PALS1: variants seen among roughly 807,000 people sequenced by gnomAD.
The protein encoded by PALS1 is protein PALS1.
In PALS1, 31 loss-of-function variants were observed where a neutral mutation model predicts 78.9. The observed-to-expected ratio is 0.39, with a 90% confidence interval of 0.30 to 0.53. PALS1 has a LOEUF of 0.53. Ranked by LOEUF, PALS1 falls within the 20% of genes least tolerant of loss-of-function variation. The probability of loss-of-function intolerance (pLI) is 0.67; values close to 1 mark genes in which losing one functional copy is unlikely to be tolerated. For missense variants in PALS1, 704 were observed against 826.5 expected (o/e 0.85, Z 1.82); for synonymous variants, 276 against 270.9 (o/e 1.02, Z -0.18).
chr14:67,312,539 G>C lies in PALS1; in HGVS notation c.1054G>C (p.Ala352Pro). 6.3e-7 allele frequency: 1 copy of C among 1,580,026 alleles called. No homozygotes were observed. The highest frequency in any genetic ancestry group is 1.2e-5 in the South Asian group (1 of 82,898). The change falls in exon 9 of 15, where the codon GCT becomes CCT. Residue 352 changes from alanine to proline, a missense_variant. Physicochemically the swap from Ala to Pro is conservative, Grantham distance 27. Transcript: ENST00000261681. ...TTTTATCTTTTAGATCCATGTAAAA[G>C]CTCATTTTGACTATGACCCCTCAGA... Reference protein sequence around the residue: ...PAKETVIHVKAHFDYDPSDDP... With the variant: ...PAKETVIHVKPHFDYDPSDDP...
At chr14:67,325,777 T>C (rs1364825686) in intron 14 of PALS1, among the ~76,000 whole-genome samples, 3 of 151,920 alleles carry the variant, frequency 2.0e-5, no homozygotes, top group Non-Finnish European at 4.4e-5. Context: ...TGAAGGGCCA[T>C]AGACCATTCC....
At chr14:67,259,283 G>T (rs1383766774) in intron 1 of PALS1, among the ~76,000 whole-genome samples, 2 of 151,936 alleles carry the variant, frequency 1.3e-5, no homozygotes, top group Non-Finnish European at 2.9e-5. Context: ...AGCCCAAAGT[G>T]AATGAAAGTA....
chr14:67,275,902 T>A (rs2084495587), intron 2 of PALS1, among the ~76,000 whole-genome samples: 1 of 152,226 alleles, frequency 6.6e-6, no homozygotes, highest in Non-Finnish European at 1.5e-5. Flanking sequence ...TCTACTTTAT[T>A]TGCGTAGAGG....
At chr14:67,256,233 A>G (rs1164525686) in intron 1 of PALS1, among the ~76,000 whole-genome samples, 3 of 151,992 alleles carry the variant, frequency 2.0e-5, no homozygotes, top group Non-Finnish European at 4.4e-5. Flanking sequence ...TATTTTGTTA[A>G]TAACTTTATA....
At chr14:67,306,956 A>ATGTT (rs2085013859) in intron 8 of PALS1, among the ~76,000 whole-genome samples, 1 of 152,190 alleles carries the variant, frequency 6.6e-6, no homozygotes, top group Non-Finnish European at 1.5e-5. Flanking sequence ...ATGTTTTGTG[A>ATGTT]TGTTAGAAAT....
intron 13 of PALS1, among the ~76,000 whole-genome samples, chr14:67,323,399 G>T (rs1250496226): frequency 2.0e-5 from 3 of 151,608 alleles, no homozygotes; most frequent in Non-Finnish European, 4.4e-5. Context: ...AGCATTGCTT[G>T]AGGCCAGGAG....
At chr14:67,319,590 A>G (rs1354548440) in intron 11 of PALS1, among the ~76,000 whole-genome samples, 1 of 150,046 alleles carries the variant, frequency 6.7e-6, no homozygotes, top group Non-Finnish European at 1.5e-5. Flanking sequence ...TACACTTAAC[A>G]CTAGAGATAG....
In PALS1 at chr14:67,332,993, T is replaced by A. The variant is rs570677829; in HGVS notation, c.*37T>A. On this transcript the variant is annotated 3_prime_UTR_variant, in exon 15 of 15. Transcript: ENST00000261681. ...ATTCTGTGGCATGTTGGACTTGATC[T>A]GGCAAAAACTGCCAATAGGAGGACT... 7.5e-5 allele frequency: 118 copies of A among 1,568,898 alleles called. No homozygotes were observed. In the South Asian group the frequency reaches 1.3e-3, roughly 17 times the overall value.
intron 14 of PALS1, among the ~76,000 whole-genome samples, chr14:67,325,895 G>A (rs991541991): frequency 6.7e-6 from 1 of 150,234 alleles, no homozygotes; most frequent in Non-Finnish European, 1.5e-5. Flanking sequence ...TGCAACCTCC[G>A]CCTCCTGGGT....
At chr14:67,277,315 T>C (rs1214743449) in intron 2 of PALS1, among the ~76,000 whole-genome samples, 2 of 152,040 alleles carry the variant, frequency 1.3e-5, no homozygotes, top group African/African-American at 4.8e-5. Context: ...TTTAAGCAAA[T>C]GTAGTTTTAA....
intron 11 of PALS1, among the ~76,000 whole-genome samples, chr14:67,319,675 A>T (rs1380297871): frequency 6.6e-6 from 1 of 151,828 alleles, no homozygotes; most frequent in African/African-American, 2.4e-5. Flanking sequence ...ACAAATTCGC[A>T]TTGGGCCCCA....
At chr14:67,255,209 A>C (rs1349685317) in intron 1 of PALS1, among the ~76,000 whole-genome samples, 1 of 152,188 alleles carries the variant, frequency 6.6e-6, no homozygotes, top group Non-Finnish European at 1.5e-5. Flanking sequence ...CACTTCAGAC[A>C]CGTTTTTCAG....
intron 1 of PALS1, among the ~76,000 whole-genome samples, chr14:67,261,111 G>A (rs751238781): frequency 7.2e-5 from 11 of 152,158 alleles, no homozygotes; most frequent in Non-Finnish European, 8.8e-5. Flanking sequence ...TATGTCAGGT[G>A]CTTAGCATAG....
chr14:67,314,535 TA>T (rs1168495458), intron 9 of PALS1, among the ~76,000 whole-genome samples: 1 of 152,218 alleles, frequency 6.6e-6, no homozygotes, highest in Non-Finnish European at 1.5e-5. Flanking sequence ...GAGTAACAGT[TA>T]CAGGACATTT....
chr14:67,269,852 A>C (rs1272004610), intron 2 of PALS1, 69 bp downstream of exon 2: 1 of 152,534 alleles, frequency 6.6e-6, no homozygotes, highest in Non-Finnish European at 1.5e-5. Context: ...ATGGAAACAA[A>C]TAGTTTAACC....
At chr14:67,287,284 A>T (rs1413577759) in intron 3 of PALS1, among the ~76,000 whole-genome samples, 5 of 150,850 alleles carry the variant, frequency 3.3e-5, no homozygotes, top group African/African-American at 9.8e-5. Flanking sequence ...CTGTGGCAAA[A>T]TAGGTCTTTT....
intron 3 of PALS1, among the ~76,000 whole-genome samples, chr14:67,281,414 G>T (rs1156723499): frequency 2.0e-5 from 3 of 152,196 alleles, no homozygotes; most frequent in Admixed American, 6.5e-5. Context: ...TTATGTGAAA[G>T]AATTTTATGC....
Position 67,334,366 on chromosome 14 carries a change from AAAC to A in PALS1, c.*1414_*1416del, listed in dbSNP as rs1174430499. The A allele has an allele frequency of 6.6e-6, 1 of 152,656 alleles. No individual in the cohort carries two copies. The highest frequency in any genetic ancestry group is 1.9e-4 in the East Asian group (1 of 5,208). The allele number at this position is 152,656 out of a possible 1,614,324, so 9.5% of individuals were successfully genotyped here. On this transcript the variant is annotated 3_prime_UTR_variant, in exon 15 of 15. Coordinates refer to ENST00000261681, the MANE Select transcript of PALS1 (RefSeq NM_022474.4). Reference sequence around the variant, plus strand: ...CCTTTAGGATAGTGTGATGTGTAACAAACAACCTCAAATGTGAATGCCTTGATT... The same window carrying A: ...CCTTTAGGATAGTGTGATGTGTAACAAACCTCAAATGTGAATGCCTTGATT...
chr14:67,303,252 C>G (rs2084954189), intron 7 of PALS1, among the ~76,000 whole-genome samples: 1 of 152,192 alleles, frequency 6.6e-6, no homozygotes, highest in Non-Finnish European at 1.5e-5. Flanking sequence ...TACACACGCA[C>G]AGACTAGATT....
Sources: gnomAD v4.1 joint callset for allele counts (sites outside exome capture counted in the v4.1 genomes callset) on GRCh38, gnomAD v4.1.1 for gene constraint, MANE v1.5 for transcripts, NCBI Gene and HGNC (gene_info 2026-07-23, HGNC 2026-07-21) for gene names.